PTPRD: variants seen among roughly 807,000 people sequenced by gnomAD.
The protein encoded by PTPRD is receptor-type tyrosine-protein phosphatase delta.
PTPRD carries 34 observed loss-of-function variants against 214.5 expected under a neutral mutation model. The observed-to-expected ratio is 0.16, with a 90% CI of 0.12 to 0.21. PTPRD has a LOEUF of 0.21. PTPRD is among the 10% of genes least tolerant of loss of function. The probability of loss-of-function intolerance (pLI) is 1.00; values close to 1 mark genes in which losing one functional copy is unlikely to be tolerated. For synonymous variants in PTPRD, 1,128 were observed against 845.7 expected, an observed-to-expected ratio of 1.33 and a Z score of -5.79; for missense variants, 2,545 against 2,398.7, an observed-to-expected ratio of 1.06 and a Z score of -1.27.
At chr9:10,218,799 G>A (rs576410010) in intron 3 of PTPRD, among the ~76,000 whole-genome samples, 1 of 151,726 alleles carries the variant, frequency 6.6e-6, no homozygotes, top group Non-Finnish European at 1.5e-5. Context: ...TTACTATGTT[G>A]CTTGAATTGT....
At chr9:9,392,220 G>A (rs539492500) in intron 9 of PTPRD, among the ~76,000 whole-genome samples, 19 of 152,198 alleles carry the variant, frequency 1.2e-4, no homozygotes, top group African/African-American at 3.6e-4. Context: ...ATTGATGACC[G>A]CAGTGTAAAG....
intron 9 of PTPRD, among the ~76,000 whole-genome samples, chr9:9,236,807 G>T (rs2099967060): frequency 6.6e-6 from 1 of 151,950 alleles, no homozygotes; most frequent in African/African-American, 2.4e-5. Context: ...AAAATGGCCA[G>T]AGAGAAATGT....
intron 21 of PTPRD, among the ~76,000 whole-genome samples, chr9:8,509,973 A>G (rs1371105667): frequency 1.3e-5 from 2 of 152,114 alleles, no homozygotes; most frequent in Non-Finnish European, 2.9e-5. Context: ...GGTTAACTTC[A>G]TTTATTAGAT....
At chr9:9,090,655 C>A (rs1413436885) in intron 10 of PTPRD, among the ~76,000 whole-genome samples, 2 of 152,146 alleles carry the variant, frequency 1.3e-5, no homozygotes, top group African/African-American at 4.8e-5. Context: ...GGCAGCCTGG[C>A]ACTTTCATAC....
rs2133459818 is a variant in PTPRD at position 8,449,752 on chromosome 9, G to C, written c.3961C>G (p.Leu1321Val). ...GGTGTTTGAAAGTTAAGGCGCCTCAGTTCTACAGGGTCTGTTGGGTGGTGT... is the reference window on the plus strand; with the variant it reads ...GGTGTTTGAAAGTTAAGGCGCCTCACTTCTACAGGGTCTGTTGGGTGGTGT... ...PSHHPTDPVE[L>V]RRLNFQTPGM... Residue 1321 changes from leucine (L) to valine (V), a missense_variant, in exon 34 of 46, where the codon CTG (leucine) becomes GTG (valine). Coordinates refer to ENST00000381196, the MANE Select transcript of PTPRD (RefSeq NM_002839.4). 6.2e-7 allele frequency: 1 copy of C among 1,614,046 alleles called. No individual in the cohort carries two copies. Among genetic ancestry groups the C allele is most frequent in the African/African-American group, 1.3e-5 (1 of 75,024 alleles).
At chr9:9,848,170 G>A (rs528964302) in intron 5 of PTPRD, among the ~76,000 whole-genome samples, 1 of 152,192 alleles carries the variant, frequency 6.6e-6, no homozygotes, top group South Asian at 2.1e-4. Flanking sequence ...TCTTTATACT[G>A]ACCTCATGAA....
intron 5 of PTPRD, among the ~76,000 whole-genome samples, chr9:9,887,760 G>C (rs941939769): frequency 6.6e-6 from 1 of 152,046 alleles, no homozygotes; most frequent in African/African-American, 2.4e-5. Flanking sequence ...TTCAGGAGTA[G>C]AAAGTTTTAC....
chr9:9,412,688 T>C (rs1296647550), intron 8 of PTPRD, among the ~76,000 whole-genome samples: 2 of 152,194 alleles, frequency 1.3e-5, no homozygotes, highest in Admixed American at 1.3e-4. Flanking sequence ...AATATATTTT[T>C]ACTTGTATTT....
At chr9:9,608,820 T>A (rs746745421) in intron 7 of PTPRD, among the ~76,000 whole-genome samples, 2 of 152,228 alleles carry the variant, frequency 1.3e-5, no homozygotes, top group Non-Finnish European at 2.9e-5. Flanking sequence ...GATTCCTTGG[T>A]CGATTATTCT....
chr9:8,554,722 G>A lies in PTPRD; in HGVS notation c.353-25943C>T, dbSNP rs187362769. Reference sequence around the variant, plus strand: ...ATCCTGGGATAAGAATTCATTCACTGTCCAACACGTTTGTTTATTTTGACC... The same window carrying A: ...ATCCTGGGATAAGAATTCATTCACTATCCAACACGTTTGTTTATTTTGACC... On this transcript the variant is annotated intron_variant, in intron 14 of 45. Transcript: ENST00000381196. Among the ~76,000 whole-genome samples the A allele has an allele frequency of 3.3e-4, 51 of 152,278 alleles. 1 individual carries two copies. In the East Asian group the frequency reaches 9.4e-3, roughly 28 times the overall value.
chr9:9,776,665 T>C (rs544410363), intron 5 of PTPRD, among the ~76,000 whole-genome samples: 2 of 152,346 alleles, frequency 1.3e-5, no homozygotes, highest in East Asian at 1.9e-4. Flanking sequence ...TTTAACAACC[T>C]AATCAGCCAT....
At chr9:9,800,206 G>A (rs924194317) in intron 5 of PTPRD, among the ~76,000 whole-genome samples, 1 of 152,144 alleles carries the variant, frequency 6.6e-6, no homozygotes, top group Non-Finnish European at 1.5e-5. Context: ...GCGGGGTGGT[G>A]CACTTGCAGT....
intron 4 of PTPRD, among the ~76,000 whole-genome samples, chr9:9,954,901 G>C (rs958483870): frequency 1.3e-5 from 2 of 152,028 alleles, no homozygotes; most frequent in Non-Finnish European, 2.9e-5. Flanking sequence ...TTCAAAACGA[G>C]ATTCACGAAC....
intron 5 of PTPRD, among the ~76,000 whole-genome samples, chr9:9,781,427 G>GA (rs957190546): frequency 4.6e-5 from 7 of 151,980 alleles, no homozygotes; most frequent in Non-Finnish European, 1.0e-4. Context: ...TATGTAATGG[G>GA]AAAAAAAGAA....
chr9:9,401,927 A>C (rs376633249), intron 8 of PTPRD, among the ~76,000 whole-genome samples: 2 of 152,004 alleles, frequency 1.3e-5, no homozygotes, highest in Non-Finnish European at 2.9e-5. Flanking sequence ...GAGGCCTCCC[A>C]AGCCAAGCAG....
At chr9:10,510,651 T>C (rs1195856570) in intron 2 of PTPRD, among the ~76,000 whole-genome samples, 2 of 152,182 alleles carry the variant, frequency 1.3e-5, no homozygotes, top group Admixed American at 1.3e-4. Flanking sequence ...GGTGTAATGA[T>C]CTTATCTGGG....
intron 8 of PTPRD, among the ~76,000 whole-genome samples, chr9:9,437,033 C>G (rs950201782): frequency 2.0e-5 from 3 of 151,954 alleles, no homozygotes; most frequent in Admixed American, 6.5e-5. Context: ...AGATCTTTTC[C>G]TTCATTGGAA....
intron 2 of PTPRD, among the ~76,000 whole-genome samples, chr9:10,383,806 T>C (rs967561140): frequency 1.3e-5 from 2 of 151,784 alleles, no homozygotes; most frequent in African/African-American, 4.8e-5. Context: ...GTTAGCATAA[T>C]AGGAACGATG....
At chr9:10,507,159 A>G (rs142991264) in intron 2 of PTPRD, among the ~76,000 whole-genome samples, 15 of 152,224 alleles carry the variant, frequency 9.9e-5, no homozygotes, top group African/African-American at 3.4e-4. Flanking sequence ...AATAACAGAC[A>G]AACAGAGAGC....
Sources: allele counts gnomAD v4.1 joint callset (sites outside exome capture counted in the v4.1 genomes callset), GRCh38; gene constraint gnomAD v4.1.1; transcripts MANE v1.5; gene names NCBI Gene and HGNC (gene_info 2026-07-23, HGNC 2026-07-21).